WDR81: variants seen among roughly 807,000 people sequenced by gnomAD.
The protein encoded by WDR81 is WD repeat domain 81, also known as WD repeat-containing protein 81.
WDR81 carries 92 observed loss-of-function variants against 140.8 expected under a neutral mutation model. The ratio of observed to expected loss-of-function variants is 0.65; its 90% CI spans 0.55 to 0.78. WDR81 has a LOEUF of 0.78. Ranked by LOEUF, WDR81 falls within the 30% of genes least tolerant of loss-of-function variation. The pLI, the probability that WDR81 is intolerant of heterozygous loss-of-function variation, is 0.00. For missense variants in WDR81, 2,502 were observed against 2,636.4 expected (o/e 0.95, Z 1.12); for synonymous variants, 1,183 against 1,156.4 (o/e 1.02, Z -0.47).
At chr17:1,733,447 G>A in intron 6 of WDR81, 80 bp from the exon 7 acceptor site, 1 of 1,413,240 alleles carries the variant, frequency 7.1e-7, no homozygotes, top group African/African-American at 1.4e-5. Flanking sequence ...CCCATCTTCT[G>A]TGGCTCCCGA....
chr17:1,727,222 C>T lies in WDR81; in HGVS notation c.2263C>T (p.Pro755Ser), dbSNP rs1206139266. The T allele has an allele frequency of 5.2e-6, 8 of 1,550,300 alleles. No homozygotes were observed. The South Asian group carries it at 7.1e-5, about 14-fold the overall frequency. Residue 755 changes from proline (P) to serine (S), a missense_variant, in exon 1 of 10, where the codon CCC (proline) becomes TCC (serine). Transcript: ENST00000409644. ...GGGCCTGTTGGAGGTGCCTGAGCAG[C>T]CCCGGGTCCAGCCGGCTGTGCCACT... is the stretch of plus-strand genomic sequence containing the variant. ...LGGLLEVPEQ[P>S]RVQPAVPLQC...
At chr17:1,729,309 A>G (rs893322659) in intron 1 of WDR81, among the ~76,000 whole-genome samples, 1 of 151,636 alleles carries the variant, frequency 6.6e-6, no homozygotes, top group Non-Finnish European at 1.5e-5. Flanking sequence ...GTGAAACCCC[A>G]TCTCTACTAA....
chr17:1,716,585 C>T (rs1216667247), exon 1 of WDR81: 5 of 1,551,692 alleles, frequency 3.2e-6, no homozygotes, highest in East Asian at 4.9e-5. Context: ...CATGCTGGTC[C>T]GTGTAGTTCT....
chr17:1,730,051 C>T (rs1171056750), intron 1 of WDR81, among the ~76,000 whole-genome samples: 3 of 151,002 alleles, frequency 2.0e-5, no homozygotes, highest in African/African-American at 7.3e-5. Context: ...TATGGCGAGA[C>T]CGAGGGAGTG....
chr17:1,724,506 GCATCGCCCTCCGCCGGGCCC>G, upstream of WDR81: 1 of 985,810 alleles, frequency 1.0e-6, no homozygotes, highest in African/African-American at 1.7e-5. Flanking sequence ...GGGGCGGTAG[GCATCGCCCTCCGCCGGGCCC>G]GGCTGGAGCT....
chr17:1,734,018 G>A lies in WDR81; in HGVS notation c.4981G>A (p.Asp1661Asn). Residue 1661 changes from aspartate to asparagine, a missense_variant, in exon 7 of 10, where the codon GAC becomes AAC. Asp to Asn is a conservative substitution (Grantham distance 23). This residue lies in a region of WDR81 where 1,737 missense variants were observed against 1,843.0 expected (regional missense o/e 0.94). Transcript: ENST00000409644. ...VKCVAPLSSE[D>N]FFLSGSKDRT... ...GTGCGTGGCACCCCTAAGCAGCGAG[G>A]ACTTCTTCCTGAGCGGCAGCAAGGA... is the stretch of plus-strand genomic sequence containing the variant. 6.2e-7 allele frequency: 1 copy of A among 1,612,230 alleles called. No individual in the cohort carries two copies. The highest frequency in any genetic ancestry group is 8.5e-7 in the Non-Finnish European group (1 of 1,179,914).
At chr17:1,728,720 T>C (rs957383181) in intron 1 of WDR81, 94 bp downstream of exon 1, 19 of 1,363,858 alleles carry the variant, frequency 1.4e-5, no homozygotes, top group African/African-American at 4.4e-5. Flanking sequence ...TTTGGGAGGC[T>C]GAGGCGGGCG....
rs771116788 is a variant in WDR81 at position 1,733,704 on chromosome 17, CAG to C, written c.4668_4669del (p.Gly1557AspfsTer16). 6.2e-7 allele frequency: 1 copy of C among 1,612,472 alleles called. No individual in the cohort carries two copies. Among genetic ancestry groups the C allele is most frequent in the African/African-American group, 1.3e-5 (1 of 74,942 alleles). ...GGCTGCCCTCAGGATGACGGCCACTCAGGGACCTTTGGGAGCGTCCTGGTGGG... is the reference window on the plus strand; with the variant it reads ...GGCTGCCCTCAGGATGACGGCCACTCGGACCTTTGGGAGCGTCCTGGTGGG... On this transcript the variant is annotated frameshift_variant, in exon 7 of 10. Transcript: ENST00000409644. LOFTEE classifies it high-confidence loss of function.
At position 1,726,629 on chromosome 17, in the gene WDR81, A is replaced by T. The variant is rs1915293632; in HGVS notation, c.1670A>T (p.Glu557Val). The T allele has an allele frequency of 6.5e-7, 1 of 1,550,126 alleles. No homozygotes were observed. Among genetic ancestry groups the T allele is most frequent in the South Asian group, 1.2e-5 (1 of 84,066 alleles). Residue 557 changes from glutamate (E) to valine (V), a missense_variant, in exon 1 of 10, where the codon GAG becomes GTG. By Grantham distance (121) the Glu-to-Val change is moderately radical (BLOSUM62 -2). Transcript: ENST00000409644. The part of the protein sequence containing the change: ...LTFGYKLQGK[E>V]AVKEKNVCLH... ...TTTGGCTATAAACTCCAGGGTAAGGAGGCTGTCAAGGAAAAGAATGTGTGT... is the reference window on the plus strand; with the variant it reads ...TTTGGCTATAAACTCCAGGGTAAGGTGGCTGTCAAGGAAAAGAATGTGTGT...
In WDR81 at chr17:1,726,991, C is replaced by T; in HGVS notation, c.2032C>T (p.Gln678Ter). ...SISLAGKAGD[Q>*]LGSSSQASPG... is the part of the protein sequence containing the mutation. ...TTCCCTTGCTGGGAAAGCAGGTGAC[C>T]AGCTGGGCTCCTCCAGTCAAGCGTC... The change falls in exon 1 of 10, where the codon CAG becomes TAG. Residue 678 changes from glutamine to a stop codon, truncating the protein, a stop_gained. Coordinates refer to ENST00000409644, the MANE Select transcript of WDR81 (RefSeq NM_001163809.2). LOFTEE classifies it high-confidence loss of function. 6.4e-7 allele frequency: 1 copy of T among 1,550,422 alleles called. No homozygotes were observed. The highest frequency in any genetic ancestry group is 8.7e-7 in the Non-Finnish European group (1 of 1,146,984).
Position 1,733,838 on chromosome 17 carries a change from G to A in WDR81, c.4801G>A (p.Ala1601Thr), listed in dbSNP as rs377393973. The A allele has an allele frequency of 8.7e-6, 14 of 1,612,450 alleles. No homozygotes were observed. The highest frequency in any genetic ancestry group is 4.0e-5 in the African/African-American group (3 of 74,932). Reference protein sequence around the residue: ...GGLGSGSDDNALKQELPRSVH... With the variant: ...GGLGSGSDDNTLKQELPRSVH... ...CCTGGGCAGCGGGAGCGACGACAAC[G>A]CCCTGAAGCAGGAGCTGCCGCGGAG... Residue 1601 changes from alanine (A) to threonine (T), a missense_variant, in exon 7 of 10, where the codon GCC becomes ACC. By Grantham distance (58) the Ala-to-Thr change is moderately conservative. Coordinates refer to ENST00000409644, the MANE Select transcript of WDR81 (RefSeq NM_001163809.2).
chr17:1,737,856 C>T lies in WDR81; in HGVS notation c.*171C>T. 1.2e-6 allele frequency: 1 copy of T among 829,868 alleles called. No individual in the cohort carries two copies. The highest frequency in any genetic ancestry group is 1.8e-6 in the Non-Finnish European group (1 of 547,964). 51.4% of individuals were successfully genotyped at this position (829,868 alleles called of 1,614,324 possible). On this transcript the variant is annotated 3_prime_UTR_variant, in exon 10 of 10. Transcript: ENST00000409644. ...CAAATGGAGTGGGGGAGTCCTGGCC[C>T]CTGAATCACCAGAGCCACCAAGCCT... is the stretch of plus-strand genomic sequence containing the variant.
At chr17:1,734,360 G>C (rs1046886539) in intron 7 of WDR81, 144 bp downstream of exon 7, 2 of 972,492 alleles carry the variant, frequency 2.1e-6, no homozygotes, top group Non-Finnish European at 2.9e-6. Context: ...TTAGGGCTTC[G>C]AATCTGTTAG....
chr17:1,737,378 G>A lies in WDR81; in HGVS notation c.5519G>A (p.Ser1840Asn), dbSNP rs752847463. 2.1e-5 allele frequency: 33 copies of A among 1,608,422 alleles called. No homozygotes were observed. Among genetic ancestry groups the A allele is most frequent in the Non-Finnish European group, 2.8e-5 (33 of 1,177,102 alleles). The stretch of plus-strand genomic sequence containing the variant: ...CTCCCGGGACAGGCGGTGGAGGGCA[G>A]CGTCCTGGTCAGCTCCTCCTCTGAC... Reference protein sequence around the residue: ...DILQIKAVEGSVLVSSSSDHS... With the variant: ...DILQIKAVEGNVLVSSSSDHS... Residue 1840 changes from serine (S) to asparagine (N), a missense_variant, in exon 10 of 10, where the codon AGC (serine) becomes AAC (asparagine). Transcript: ENST00000409644.
Position 1,725,465 on chromosome 17 carries a change from C to T in WDR81, c.506C>T (p.Ser169Leu), listed in dbSNP as rs1441659902. Residue 169 changes from serine (S) to leucine (L), a missense_variant, in exon 1 of 10, where the codon TCA (serine) becomes TTA (leucine). Coordinates refer to ENST00000409644, the MANE Select transcript of WDR81 (RefSeq NM_001163809.2). ...CCGTACAGTCACAGCCCTGCCCCCT[C>T]AGCTGTCCCTGCCTTGGACTCAGTA... is the stretch of plus-strand genomic sequence containing the variant. ...GQPYSHSPAP[S>L]AVPALDSVRQ... 3.2e-6 allele frequency: 5 copies of T among 1,548,888 alleles called. No homozygotes were observed. Among genetic ancestry groups the T allele is most frequent in the Non-Finnish European group, 3.5e-6 (4 of 1,146,960 alleles).
intron 1 of WDR81, among the ~76,000 whole-genome samples, chr17:1,719,221 T>G (rs1172394033): frequency 4.6e-5 from 7 of 152,194 alleles, no homozygotes; most frequent in Admixed American, 2.0e-4. Flanking sequence ...CAAGCCTTGT[T>G]GTAGGGATTT....
At chr17:1,734,407 G>A (rs866746743) in intron 7 of WDR81, among the ~76,000 whole-genome samples, 191 bp downstream of exon 7, 2 of 152,262 alleles carry the variant, frequency 1.3e-5, no homozygotes, top group Non-Finnish European at 2.9e-5. Context: ...CTTACTTGCT[G>A]AGTGACCTTG....
chr17:1,726,808 A>G lies in WDR81; in HGVS notation c.1849A>G (p.Thr617Ala). The change falls in exon 1 of 10, where the codon ACA becomes GCA. Residue 617 changes from threonine (T) to alanine (A), a missense_variant. Transcript: ENST00000409644. ...GTTGGTCCAGACCATCCAGGAGACC[A>G]CAGGCCGGGAGGACTTCACGGAAAA... Reference protein sequence around the residue: ...KLLVQTIQETTGREDFTENPG... With the variant: ...KLLVQTIQETAGREDFTENPG... 2 of 1,549,572 alleles carry G rather than the reference A, an allele frequency of 1.3e-6. No homozygotes were observed. Among genetic ancestry groups the G allele is most frequent in the African/African-American group, 2.7e-5 (2 of 73,154 alleles).
chr17:1,725,885 C>T lies in WDR81; in HGVS notation c.926C>T (p.Pro309Leu). 2 of 1,550,788 alleles carry T rather than the reference C, an allele frequency of 1.3e-6. No homozygotes were observed. ...LRLDLSAYER[P>L]EEDENEEAPV... ...CTGGACCTGAGTGCTTATGAGAGGC[C>T]CGAGGAGGACGAGAATGAGGAGGCC... is the stretch of plus-strand genomic sequence containing the variant. The change falls in exon 1 of 10, where the codon CCC (proline) becomes CTC (leucine). Residue 309 changes from proline to leucine, a missense_variant. Pro to Leu is a moderately conservative substitution (Grantham distance 98). Around this residue, in one of 3 missense-constraint regions of WDR81, gnomAD observed 547 missense variants for 513.8 expected, o/e 1.06. Transcript: ENST00000409644.
Sources: gnomAD v4.1 joint callset for allele counts (sites outside exome capture counted in the v4.1 genomes callset) on GRCh38, gnomAD v4.1.1 for gene constraint, gnomAD v4.1.1 regional missense constraint, MANE v1.5 for transcripts, NCBI Gene and HGNC (gene_info 2026-07-23, HGNC 2026-07-21) for gene names.